The following LMO3 variants were observed in gnomAD, a reference collection of about 807,000 sequenced individuals.
LMO3 encodes LIM domain only 3.
In LMO3, 2 loss-of-function variants were observed where a neutral mutation model predicts 15.8. The observed-to-expected ratio is 0.13, with a 90% CI of 0.05 to 0.40. The LOEUF is 0.40. Among genes scored for constraint, LMO3 ranks in the 10% least tolerant of loss-of-function variants. The pLI, the probability that LMO3 is intolerant of heterozygous loss-of-function variation, is 0.99. For missense variants in LMO3, 86 were observed against 182.2 expected (o/e 0.47, Z 3.04); for synonymous variants, 62 against 63.8 (o/e 0.97, Z 0.13).
At chr12:16,571,046 T>C (rs550852289) in intron 2 of LMO3, among the ~76,000 whole-genome samples, 1 of 152,032 alleles carries the variant, frequency 6.6e-6, no homozygotes. Flanking sequence ...TAATAAATTT[T>C]AAAAAAATCT....
chr12:16,610,165 T>A (rs1319293090), upstream of LMO3: 2 of 152,156 alleles, frequency 1.3e-5, no homozygotes, highest in Non-Finnish European at 2.9e-5. Context: ...CCGAACTGCA[T>A]ACAAAACCTG....
chr12:16,566,196 G>A (rs1203899124), intron 2 of LMO3, among the ~76,000 whole-genome samples: 3 of 150,694 alleles, frequency 2.0e-5, no homozygotes, highest in Non-Finnish European at 4.4e-5. Flanking sequence ...ATAAAAAGTC[G>A]ACATCATAGA....
chr12:16,588,852 A>C (rs1943404097), intron 2 of LMO3, among the ~76,000 whole-genome samples: 1 of 151,966 alleles, frequency 6.6e-6, no homozygotes, highest in South Asian at 2.1e-4. Context: ...TTTCTCCCTT[A>C]TCTTATCTTC....
intron 2 of LMO3, chr12:16,567,539 A>C (rs1942660339): frequency 1.3e-5 from 2 of 152,312 alleles, no homozygotes; most frequent in South Asian, 2.1e-4. Context: ...CAAGTAGAGA[A>C]CTGCGGGGAG....
rs1044845642 is a variant in LMO3, at chr12:16,593,531, T to G, written c.206+7124A>C. The stretch of plus-strand genomic sequence containing the variant: ...AGGAATTCGGCGAAAAGAGAATCAT[T>G]ACATAACTACAAAAATACTGTTGAG... On this transcript the variant is annotated intron_variant, in intron 2 of 3. Transcript: ENST00000537304. This position sits in a 1 kb window ranked among gnomAD's most constrained non-coding sequence, Gnocchi z 4.2. 3.9e-5 allele frequency among the ~76,000 whole-genome samples: 6 copies of G among 151,932 alleles called. No homozygotes were observed. Among genetic ancestry groups the G allele is most frequent in the Non-Finnish European group, 7.4e-5 (5 of 67,788 alleles).
chr12:16,562,965 T>G (rs1264038906), intron 2 of LMO3, among the ~76,000 whole-genome samples: 1 of 152,208 alleles, frequency 6.6e-6, no homozygotes, highest in Non-Finnish European at 1.5e-5. Context: ...TTTTAATCAT[T>G]AAAGGACTCT....
rs1265787600 is a variant in LMO3, at chr12:16,597,196, GT to G, written c.206+3458del. Reference sequence around the variant, plus strand: ...GTTCTGGAAAGTGAAAAATTCCACTGTTAAGATTTGATACTTAGTGTACAAA... The same window carrying G: ...GTTCTGGAAAGTGAAAAATTCCACTGTAAGATTTGATACTTAGTGTACAAA... On this transcript the variant is annotated intron_variant, in intron 2 of 3. Coordinates refer to ENST00000537304, the MANE Select transcript of LMO3 (RefSeq NM_018640.5). This position sits in a 1 kb window ranked among gnomAD's most constrained non-coding sequence, Gnocchi z 5.0. Among the ~76,000 whole-genome samples, 2 of 151,462 alleles carry G rather than the reference GT, an allele frequency of 1.3e-5. No homozygotes were observed. The highest frequency in any genetic ancestry group is 3.0e-5 in the Non-Finnish European group (2 of 67,644).
rs1943649299 is a variant in LMO3, at chr12:16,596,176, TAG to T, written c.206+4477_206+4478del. 6.6e-6 allele frequency among the ~76,000 whole-genome samples: 1 copy of T among 151,554 alleles called. No homozygotes were observed. The highest frequency in any genetic ancestry group is 6.6e-5 in the Admixed American group (1 of 15,206). ...GGCAATTTATTTTTATTTTCTCTTT[TAG>T]AGTTATTATATTATTATATTAAAGC... On this transcript the variant is annotated intron_variant, in intron 2 of 3. Coordinates refer to ENST00000537304, the MANE Select transcript of LMO3 (RefSeq NM_018640.5). This position sits in a 1 kb window ranked among gnomAD's most constrained non-coding sequence, Gnocchi z 4.3.
intron 2 of LMO3, among the ~76,000 whole-genome samples, chr12:16,580,271 T>C (rs1943119094): frequency 6.6e-6 from 1 of 152,182 alleles, no homozygotes; most frequent in African/African-American, 2.4e-5. Flanking sequence ...TGGCAATATC[T>C]GAATTTTGTC....
intron 3 of LMO3, among the ~76,000 whole-genome samples, chr12:16,558,782 G>A (rs1249570175): frequency 1.3e-5 from 2 of 152,094 alleles, no homozygotes; most frequent in African/African-American, 2.4e-5. Context: ...GGAAAGTCAA[G>A]TTAATGGAAT....
chr12:16,606,910 G>T (rs971141690), upstream of LMO3: 1 of 152,126 alleles, frequency 6.6e-6, no homozygotes, highest in Non-Finnish European at 1.5e-5. Context: ...TGGAATAGGT[G>T]GCTACATTTA....
At chr12:16,574,886 A>G (rs1476525330) in intron 2 of LMO3, among the ~76,000 whole-genome samples, 1 of 152,174 alleles carries the variant, frequency 6.6e-6, no homozygotes, top group East Asian at 1.9e-4. Flanking sequence ...CATTAACAGC[A>G]GTGATAGAAA....
intron 2 of LMO3, among the ~76,000 whole-genome samples, chr12:16,581,615 TAAAAC>T (rs1252824077): frequency 6.6e-6 from 1 of 152,186 alleles, no homozygotes; most frequent in Non-Finnish European, 1.5e-5. Flanking sequence ...TTCACAATGT[TAAAAC>T]AAACACTCAA....
At chr12:16,570,480 AAAG>A (rs997093462) in intron 2 of LMO3, among the ~76,000 whole-genome samples, 23 of 152,282 alleles carry the variant, frequency 1.5e-4, no homozygotes, top group Non-Finnish European at 2.1e-4. Context: ...AAGAAAATGA[AAAG>A]AAGCATTATA....
upstream of LMO3, chr12:16,606,857 T>A (rs1227813025): frequency 6.6e-6 from 1 of 152,096 alleles, no homozygotes; most frequent in Non-Finnish European, 1.5e-5. Context: ...GCGAGAGAGC[T>A]CCGGAGGAAA....
Position 16,604,757 on chromosome 12 carries a change from T to G in LMO3, c.-9+1309A>C, listed in dbSNP as rs1037739202. 1 of 1,201,380 alleles carries G rather than the reference T, an allele frequency of 8.3e-7. No homozygotes were observed. The highest frequency in any genetic ancestry group is 1.2e-6 in the Non-Finnish European group (1 of 825,694). 74.4% of individuals were successfully genotyped at this position (1,201,380 alleles called of 1,614,324 possible). ...TCAAAGCAGTTACAACAATAATATTTCGGTTCTTTCAGAAAGACACAAAAG... is the reference window on the plus strand; with the variant it reads ...TCAAAGCAGTTACAACAATAATATTGCGGTTCTTTCAGAAAGACACAAAAG... On this transcript the variant is annotated intron_variant, in intron 1 of 3. Transcript: ENST00000537304. The surrounding 1 kb of genome is among the most constrained non-coding windows in gnomAD (Gnocchi z 5.3).
rs1943912983 is a variant in LMO3, at chr12:16,604,059, C to T, written c.-9+2007G>A. 6.6e-6 allele frequency among the ~76,000 whole-genome samples: 1 copy of T among 152,138 alleles called. No individual in the cohort carries two copies. The highest frequency in any genetic ancestry group is 1.5e-5 in the Non-Finnish European group (1 of 68,028). Reference sequence around the variant, plus strand: ...GGAATGCAGGTTCTGCAGCTGGGAGCATTGACACAGATTAAAAGAATTTGG... The same window carrying T: ...GGAATGCAGGTTCTGCAGCTGGGAGTATTGACACAGATTAAAAGAATTTGG... On this transcript the variant is annotated intron_variant, in intron 1 of 3. Transcript: ENST00000537304. This position sits in a 1 kb window ranked among gnomAD's most constrained non-coding sequence, Gnocchi z 5.3.
rs957799910 is a variant in LMO3 at position 16,591,765 on chromosome 12, C to G, written c.206+8890G>C. ...AAAGTTACAAGCTAAGTCTGTCTTG[C>G]TCTGCACCCAAAATATAACCCGTGA... On this transcript the variant is annotated intron_variant, in intron 2 of 3. Coordinates refer to ENST00000537304, the MANE Select transcript of LMO3 (RefSeq NM_018640.5). The surrounding 1 kb of genome is among the most constrained non-coding windows in gnomAD (Gnocchi z 4.1). 1.3e-5 allele frequency among the ~76,000 whole-genome samples: 2 copies of G among 152,042 alleles called. No individual in the cohort carries two copies. Among genetic ancestry groups the G allele is most frequent in the African/African-American group, 4.8e-5 (2 of 41,422 alleles).
chr12:16,566,318 C>G (rs185758024), intron 2 of LMO3, among the ~76,000 whole-genome samples: 25 of 151,606 alleles, frequency 1.6e-4, no homozygotes, highest in Admixed American at 7.2e-4. Flanking sequence ...GAAATAAGTT[C>G]TGGTGTTCTG....
Sources: gnomAD v4.1 joint callset for allele counts (sites outside exome capture counted in the v4.1 genomes callset) on GRCh38, gnomAD v4.1.1 for gene constraint, Gnocchi (gnomAD v3.1) non-coding constraint, MANE v1.5 for transcripts, NCBI Gene and HGNC (gene_info 2026-07-23, HGNC 2026-07-21) for gene names.